Variants in DEPTOR observed in about 807,000 individuals in gnomAD.
DEPTOR encodes the protein DEP domain containing MTOR interacting protein.
In DEPTOR, 41 loss-of-function variants were observed where a neutral mutation model predicts 41.6. That is an observed-to-expected ratio of 0.98 (90% CI 0.77 to 1.28). The LOEUF (loss-of-function observed/expected upper bound fraction) is 1.28. Ranked by LOEUF, DEPTOR falls within the 50% of genes most tolerant of loss-of-function variation. The pLI is 0.00. For missense variants in DEPTOR, 514 were observed against 527.9 expected (o/e 0.97, Z 0.26); for synonymous variants, 195 against 192.3 (o/e 1.01, Z -0.12).
At chr8:120,022,651 A>T (rs911022218) in intron 8 of DEPTOR, among the ~76,000 whole-genome samples, 13 of 152,056 alleles carry the variant, frequency 8.5e-5, no homozygotes, top group Admixed American at 7.9e-4. Flanking sequence ...TCAAAGCTAG[A>T]TAAGTCCTAA....
At position 120,009,074 on chromosome 8, in the gene DEPTOR, A is replaced by C; in HGVS notation, c.1042A>C (p.Lys348Gln). Residue 348 changes from lysine (K) to glutamine (Q), a missense_variant, in exon 8 of 9, where the codon AAG becomes CAG. Coordinates refer to ENST00000286234, the MANE Select transcript of DEPTOR (RefSeq NM_022783.4). Reference sequence around the variant, plus strand: ...CTGGGGTTTTGTGGTGCGAGGAAGTAAGCCATGCCACATCCAGGCTGTAGA... The same window carrying C: ...CTGGGGTTTTGTGGTGCGAGGAAGTCAGCCATGCCACATCCAGGCTGTAGA... ...VGWGFVVRGSKPCHIQAVDPS... is the reference protein window; with the variant it reads ...VGWGFVVRGSQPCHIQAVDPS... 6.2e-7 allele frequency: 1 copy of C among 1,614,094 alleles called. No individual in the cohort carries two copies. Among genetic ancestry groups the C allele is most frequent in the Non-Finnish European group, 8.5e-7 (1 of 1,180,012 alleles).
chr8:120,047,832 G>T (rs1488331291), intron 8 of DEPTOR, among the ~76,000 whole-genome samples: 1 of 152,052 alleles, frequency 6.6e-6, no homozygotes, highest in Non-Finnish European at 1.5e-5. Flanking sequence ...GATCACCGGA[G>T]GTCAAGAGTT....
intron 8 of DEPTOR, among the ~76,000 whole-genome samples, chr8:120,036,767 G>A (rs1812984833): frequency 1.3e-5 from 2 of 152,194 alleles, no homozygotes; most frequent in Admixed American, 6.5e-5. Context: ...ATATTTTGGT[G>A]AAGGACCATC....
intron 4 of DEPTOR, among the ~76,000 whole-genome samples, chr8:119,994,138 GAA>G (rs140691940): frequency 6.8e-6 from 1 of 146,162 alleles, no homozygotes; most frequent in Non-Finnish European, 1.5e-5. Flanking sequence ...ACTCCATCTC[GAA>G]AAAAAAAAGA....
At chr8:119,894,419 C>G (rs1827489707) in intron 1 of DEPTOR, among the ~76,000 whole-genome samples, 1 of 58,394 alleles carries the variant, frequency 1.7e-5, no homozygotes, top group African/African-American at 4.2e-5. Flanking sequence ...TTTTTTGAGA[C>G]AGAGTCTCGC....
At chr8:119,960,323 T>C (rs1422438442) in intron 3 of DEPTOR, among the ~76,000 whole-genome samples, 1 of 152,168 alleles carries the variant, frequency 6.6e-6, no homozygotes, top group African/African-American at 2.4e-5. Flanking sequence ...AACAATTTAG[T>C]GAAGGAAGTG....
At chr8:119,938,009 T>A (rs989106138) in intron 3 of DEPTOR, among the ~76,000 whole-genome samples, 1 of 152,198 alleles carries the variant, frequency 6.6e-6, no homozygotes, top group South Asian at 2.1e-4. Flanking sequence ...CCTTTATCTC[T>A]TAGGTCTGTT....
In DEPTOR at chr8:119,901,856, C is replaced by T. The variant is rs570938204; in HGVS notation, c.123-26544C>T. Among the ~76,000 whole-genome samples, 3 of 152,118 alleles carry T rather than the reference C, an allele frequency of 2.0e-5. No homozygotes were observed. In the East Asian group the frequency reaches 5.8e-4, roughly 29 times the overall value. On this transcript the variant is annotated intron_variant, in intron 1 of 8. Coordinates refer to ENST00000286234, the MANE Select transcript of DEPTOR (RefSeq NM_022783.4). ...GTGAGATGAAAATGTAAGGAAATTC[C>T]ACTATTTCTGTATTTCTGTAACAGT...
At chr8:120,001,223 T>G (rs1304399089) in intron 4 of DEPTOR, among the ~76,000 whole-genome samples, 1 of 152,006 alleles carries the variant, frequency 6.6e-6, no homozygotes, top group Non-Finnish European at 1.5e-5. Context: ...GAGGGTGCAG[T>G]GTTATCAGTG....
rs572633762 is a variant in DEPTOR at position 119,947,441 on chromosome 8, C to T, written c.425+17503C>T. Among the ~76,000 whole-genome samples, 7 of 152,328 alleles carry T rather than the reference C, an allele frequency of 4.6e-5. No individual in the cohort carries two copies. In the East Asian group the frequency reaches 1.4e-3, roughly 29 times the overall value. ...TGGTTGAGAGTCACCAAGCATCTGC[C>T]TGCACACCAGTGGCTCCTGCTTGCT... is the stretch of plus-strand genomic sequence containing the variant. On this transcript the variant is annotated intron_variant, in intron 3 of 8. Coordinates refer to ENST00000286234, the MANE Select transcript of DEPTOR (RefSeq NM_022783.4).
intron 3 of DEPTOR, among the ~76,000 whole-genome samples, chr8:119,951,745 G>A (rs1022976163): frequency 3.3e-5 from 5 of 152,100 alleles, no homozygotes; most frequent in Admixed American, 6.6e-5. Context: ...CCTCCTCCCT[G>A]GGCTCAGTTT....
intron 4 of DEPTOR, among the ~76,000 whole-genome samples, chr8:119,982,544 G>A (rs567571585): frequency 6.0e-4 from 91 of 152,274 alleles, no homozygotes; most frequent in African/African-American, 2.0e-3. Flanking sequence ...TGCTATCTGC[G>A]TTGTGTTTAG....
chr8:119,946,131 C>A (rs558830781), intron 3 of DEPTOR, among the ~76,000 whole-genome samples: 25 of 152,230 alleles, frequency 1.6e-4, no homozygotes, highest in African/African-American at 4.6e-4. Context: ...GCAGTCCCTT[C>A]ACACAGAGCT....
At chr8:119,879,352 G>A (rs954381389) in intron 1 of DEPTOR, among the ~76,000 whole-genome samples, 1 of 152,164 alleles carries the variant, frequency 6.6e-6, no homozygotes, top group African/African-American at 2.4e-5. Flanking sequence ...ATACCCAGGA[G>A]AAATGAGAAA....
At chr8:119,916,665 G>T (rs549640132) in intron 1 of DEPTOR, among the ~76,000 whole-genome samples, 1 of 152,310 alleles carries the variant, frequency 6.6e-6, no homozygotes, top group South Asian at 2.1e-4. Context: ...CTTATATACA[G>T]GTGGTGGAGG....
At chr8:120,030,216 T>C (rs1812864488) in intron 8 of DEPTOR, among the ~76,000 whole-genome samples, 1 of 152,122 alleles carries the variant, frequency 6.6e-6, no homozygotes, top group African/African-American at 2.4e-5. Context: ...GTGATGTATC[T>C]GCGGAGAACA....
chr8:119,962,086 CA>C (rs772605916), intron 3 of DEPTOR, among the ~76,000 whole-genome samples: 810 of 48,208 alleles, frequency 0.017, 11 homozygotes, highest in East Asian at 0.035. Flanking sequence ...ACTAAAAATA[CA>C]AAAAAAAAAA....
At chr8:119,885,401 T>G (rs1188570277) in intron 1 of DEPTOR, among the ~76,000 whole-genome samples, 2 of 152,180 alleles carry the variant, frequency 1.3e-5, no homozygotes, top group African/African-American at 4.8e-5. Flanking sequence ...TAAAACTGTT[T>G]AGGGATGTGG....
intron 1 of DEPTOR, among the ~76,000 whole-genome samples, chr8:119,913,931 A>G (rs1333850815): frequency 6.6e-6 from 1 of 152,014 alleles, no homozygotes; most frequent in African/African-American, 2.4e-5. Flanking sequence ...CATCAGCGGG[A>G]CAAGCCCTCC....
Sources: gnomAD v4.1 joint callset for allele counts (sites outside exome capture counted in the v4.1 genomes callset) on GRCh38, gnomAD v4.1.1 for gene constraint, MANE v1.5 for transcripts, NCBI Gene and HGNC (gene_info 2026-07-23, HGNC 2026-07-21) for gene names.